Variants in PHACTR1 observed in about 807,000 individuals in gnomAD.
PHACTR1 encodes phosphatase and actin regulator 1.
Under a neutral mutation model 69.2 loss-of-function variants are expected in PHACTR1, and 16 were observed. That is an observed-to-expected ratio of 0.23 (90% CI 0.16 to 0.35). The LOEUF (loss-of-function observed/expected upper bound fraction) is 0.35, where lower values mean the gene tolerates loss of function less well. PHACTR1 is among the 10% of genes least tolerant of loss of function. The pLI is 1.00. For synonymous variants in PHACTR1, 312 were observed against 284.5 expected (o/e 1.10, Z -0.97); for missense variants, 510 against 734.7 (o/e 0.69, Z 3.54).
chr6:12,960,232 T>C (rs1331118819), intron 4 of PHACTR1, among the ~76,000 whole-genome samples: 1 of 152,218 alleles, frequency 6.6e-6, no homozygotes, highest in Non-Finnish European at 1.5e-5. Flanking sequence ...GAACATCGCG[T>C]AGTGCTGTGC....
intron 4 of PHACTR1, among the ~76,000 whole-genome samples, chr6:12,907,827 T>C (rs1476896396): frequency 2.0e-5 from 3 of 152,220 alleles, no homozygotes; most frequent in Non-Finnish European, 4.4e-5. Flanking sequence ...TTTGTGAGCT[T>C]TCAAGAAAGA....
chr6:12,970,827 C>T (rs1794114100), intron 4 of PHACTR1, among the ~76,000 whole-genome samples: 1 of 152,176 alleles, frequency 6.6e-6, no homozygotes, highest in Non-Finnish European at 1.5e-5. Flanking sequence ...ATTATGATGA[C>T]AGGCTCTAAT....
At chr6:12,985,606 A>T (rs1796086542) in intron 4 of PHACTR1, among the ~76,000 whole-genome samples, 1 of 150,260 alleles carries the variant, frequency 6.7e-6, no homozygotes, top group Admixed American at 6.6e-5. Flanking sequence ...AAACACGAAT[A>T]TGAAAGTTAA....
intron 4 of PHACTR1, among the ~76,000 whole-genome samples, chr6:12,779,446 A>G (rs1454041215): frequency 1.4e-5 from 2 of 141,796 alleles, no homozygotes; most frequent in Non-Finnish European, 3.1e-5. Flanking sequence ...ACTTTTTCGT[A>G]ATGTCATATT....
At chr6:13,272,743 G>C in intron 10 of PHACTR1, 117 bp from the exon 11 acceptor site, 1 of 1,611,612 alleles carries the variant, frequency 6.2e-7, no homozygotes. Context: ...TCAGAGCACA[G>C]GATGGAACAA....
intron 4 of PHACTR1, among the ~76,000 whole-genome samples, chr6:12,832,449 T>C (rs916238032): frequency 6.6e-6 from 1 of 152,206 alleles, no homozygotes; most frequent in Admixed American, 6.5e-5. Context: ...GCTCTAGAAC[T>C]GTAAGCATTA....
At chr6:13,282,705 A>AC (rs1166387423) in intron 12 of PHACTR1, among the ~76,000 whole-genome samples, 1 of 151,856 alleles carries the variant, frequency 6.6e-6, no homozygotes, top group Non-Finnish European at 1.5e-5. Context: ...TGCACTGCAA[A>AC]ACCCCCTTGC....
At chr6:13,033,336 T>C (rs1386346608) in intron 4 of PHACTR1, among the ~76,000 whole-genome samples, 1 of 152,166 alleles carries the variant, frequency 6.6e-6, no homozygotes, top group Non-Finnish European at 1.5e-5. Context: ...CATGCATCTG[T>C]TTGAAGTGAC....
chr6:12,816,612 G>T (rs1185286053), intron 4 of PHACTR1, among the ~76,000 whole-genome samples: 1 of 152,130 alleles, frequency 6.6e-6, no homozygotes, highest in Non-Finnish European at 1.5e-5. Context: ...CAACTTTAGG[G>T]TATCATACAG....
intron 5 of PHACTR1, among the ~76,000 whole-genome samples, chr6:13,157,319 CT>C (rs1248706010): frequency 6.6e-6 from 1 of 152,236 alleles, no homozygotes; most frequent in African/African-American, 2.4e-5. Flanking sequence ...CTGATAGGAA[CT>C]TGTCCCTTTT....
chr6:13,232,628 G>C (rs547594268), intron 10 of PHACTR1, among the ~76,000 whole-genome samples: 10 of 152,068 alleles, frequency 6.6e-5, no homozygotes, highest in Non-Finnish European at 1.2e-4. Context: ...CCACCCATTG[G>C]TCTTATTCTG....
chr6:13,093,316 T>TA (rs1465888307), intron 5 of PHACTR1, among the ~76,000 whole-genome samples: 1 of 152,214 alleles, frequency 6.6e-6, no homozygotes, highest in Non-Finnish European at 1.5e-5. Flanking sequence ...TGCAACAACT[T>TA]AAAAATATGT....
In PHACTR1 at chr6:13,227,826, C is replaced by T. The variant is rs771354905; in HGVS notation, c.997C>T (p.Arg333Trp). The T allele has an allele frequency of 2.1e-5, 34 of 1,613,610 alleles. 2 individuals carry two copies. In the East Asian group the frequency reaches 2.2e-4, roughly 11 times the overall value. Residue 333 changes from arginine to tryptophan, a missense_variant, in exon 9 of 15, where the codon CGG becomes TGG. Physicochemically the swap from Arg to Trp is moderately radical, Grantham distance 101. Transcript: ENST00000332995. ...TMQRLESSEQ[R>W]VPCSTSYHSS... ...CTTGTCTTTAAACAGCTCTGAGCAGCGGGTCCCCTGTTCCACTTCTTACCA... is the reference window on the plus strand; with the variant it reads ...CTTGTCTTTAAACAGCTCTGAGCAGTGGGTCCCCTGTTCCACTTCTTACCA...
chr6:13,094,054 A>T (rs1813729541), intron 5 of PHACTR1, among the ~76,000 whole-genome samples: 1 of 151,724 alleles, frequency 6.6e-6, no homozygotes. Flanking sequence ...TTTTGTTTTT[A>T]TAGAGACAGG....
chr6:13,033,950 G>A (rs931864237), intron 4 of PHACTR1, among the ~76,000 whole-genome samples: 18 of 152,092 alleles, frequency 1.2e-4, no homozygotes, highest in African/African-American at 3.9e-4. Context: ...TTGTTGTCTT[G>A]TCTAAGCCAA....
At chr6:12,888,196 C>T (rs938837804) in intron 4 of PHACTR1, among the ~76,000 whole-genome samples, 5 of 151,788 alleles carry the variant, frequency 3.3e-5, no homozygotes, top group African/African-American at 1.2e-4. Flanking sequence ...GCAGCTGAGG[C>T]CATTTTTGCT....
chr6:12,937,383 T>G (rs999452789), intron 4 of PHACTR1, among the ~76,000 whole-genome samples: 1 of 152,066 alleles, frequency 6.6e-6, no homozygotes, highest in East Asian at 1.9e-4. Context: ...GAGTTTCACT[T>G]TTGTTGCCCA....
intron 4 of PHACTR1, among the ~76,000 whole-genome samples, chr6:12,934,342 A>C (rs568374215): frequency 6.6e-6 from 1 of 152,320 alleles, no homozygotes; most frequent in East Asian, 1.9e-4. Flanking sequence ...TAAAGACGCT[A>C]TTTCCAAATA....
At chr6:13,119,959 A>G (rs1219144625) in intron 5 of PHACTR1, among the ~76,000 whole-genome samples, 1 of 152,062 alleles carries the variant, frequency 6.6e-6, no homozygotes, top group Non-Finnish European at 1.5e-5. Context: ...TTTATGAGGG[A>G]GTCGCTTCCT....
Sources: gnomAD v4.1 joint callset for allele counts (sites outside exome capture counted in the v4.1 genomes callset) on GRCh38, gnomAD v4.1.1 for gene constraint, MANE v1.5 for transcripts, NCBI Gene and HGNC (gene_info 2026-07-23, HGNC 2026-07-21) for gene names.